Variants in RNF217 observed in about 807,000 individuals in gnomAD.
RNF217 encodes E3 ubiquitin-protein ligase RNF217.
In RNF217, 31 loss-of-function variants were observed where a neutral mutation model predicts 57.8. The observed-to-expected ratio is 0.54, with a 90% CI of 0.40 to 0.72. The LOEUF is 0.72. Among genes scored for constraint, RNF217 ranks in the 30% least tolerant of loss-of-function variants. RNF217 has a pLI of 0.00. For missense variants in RNF217, 696 were observed against 708.3 expected, an observed-to-expected ratio of 0.98 and a Z score of 0.20; for synonymous variants, 313 against 294.0, an observed-to-expected ratio of 1.06 and a Z score of -0.66.
intron 1 of RNF217, among the ~76,000 whole-genome samples, chr6:125,036,303 C>T (rs1786613669): frequency 6.6e-6 from 1 of 152,146 alleles, no homozygotes; most frequent in East Asian, 1.9e-4. Context: ...ATATATGCCA[C>T]ATTTTCTTTA....
rs1788795887 is a variant in RNF217, at chr6:125,087,241, A to G, written c.*4304A>G. On this transcript the variant is annotated 3_prime_UTR_variant, in exon 6 of 6. Transcript: ENST00000521654. ...GTTACATTAGAATTACAAAAAAGTT[A>G]GTGGCCTCTATAACCTTAATTGGCA... 6.6e-6 allele frequency: 1 copy of G among 152,176 alleles called. No individual in the cohort carries two copies. Among genetic ancestry groups the G allele is most frequent in the Admixed American group, 6.6e-5 (1 of 15,260 alleles). The allele number at this position is 152,176 out of a possible 1,614,324, so 9.4% of individuals were successfully genotyped here.
intron 1 of RNF217, among the ~76,000 whole-genome samples, chr6:125,000,442 T>C (rs753398941): frequency 1.6e-4 from 25 of 152,146 alleles, no homozygotes; most frequent in Non-Finnish European, 2.5e-4. Flanking sequence ...GGGGGCATTA[T>C]AGATATCAGA....
intron 1 of RNF217, among the ~76,000 whole-genome samples, chr6:124,991,954 C>A (rs1282019495): frequency 6.6e-6 from 1 of 152,140 alleles, no homozygotes; most frequent in Non-Finnish European, 1.5e-5. Flanking sequence ...TCCCCAAGGT[C>A]ATACAGGTCA....
intron 4 of RNF217, among the ~76,000 whole-genome samples, chr6:125,080,308 A>G (rs1239094306): frequency 6.6e-6 from 1 of 152,140 alleles, no homozygotes; most frequent in African/African-American, 2.4e-5. Context: ...TGGAATGGAG[A>G]TCTTTTTAAA....
intron 1 of RNF217, among the ~76,000 whole-genome samples, chr6:125,030,501 T>A (rs940662061): frequency 6.6e-6 from 1 of 152,184 alleles, no homozygotes; most frequent in African/African-American, 2.4e-5. Context: ...AATACAGTCA[T>A]TCCAAATGGG....
chr6:125,074,221 T>C (rs965895293), intron 3 of RNF217, among the ~76,000 whole-genome samples: 3 of 152,134 alleles, frequency 2.0e-5, no homozygotes, highest in Admixed American at 6.5e-5. Context: ...TGTGTTCCAC[T>C]TAATTATTAC....
chr6:125,045,652 C>T (rs1787069237), intron 2 of RNF217, among the ~76,000 whole-genome samples: 1 of 152,046 alleles, frequency 6.6e-6, no homozygotes, highest in South Asian at 2.1e-4. Flanking sequence ...TTGTCTTTGA[C>T]TTTAACCATG....
At chr6:124,966,869 G>C (rs1218843625) in intron 1 of RNF217, among the ~76,000 whole-genome samples, 1 of 152,168 alleles carries the variant, frequency 6.6e-6, no homozygotes, top group Non-Finnish European at 1.5e-5. Flanking sequence ...ATTAGATGGT[G>C]ACTTAAATAC....
At chr6:125,046,775 C>A in intron 2 of RNF217, 1 of 429,188 alleles carries the variant, frequency 2.3e-6, no homozygotes, top group Non-Finnish European at 4.6e-6. Context: ...CAGTTATAAG[C>A]TACAGTATTG....
intron 1 of RNF217, among the ~76,000 whole-genome samples, chr6:125,023,424 TG>T (rs1785931284): frequency 2.0e-5 from 3 of 152,184 alleles, no homozygotes; most frequent in African/African-American, 7.2e-5. Context: ...ATCAGACTTG[TG>T]TTGTAAAAAG....
intron 1 of RNF217, among the ~76,000 whole-genome samples, chr6:125,020,240 G>A (rs1371263325): frequency 6.6e-6 from 1 of 152,190 alleles, no homozygotes; most frequent in South Asian, 2.1e-4. Context: ...AATACTAAGT[G>A]CTTACTGTAT....
rs750468480 is a variant in RNF217, at chr6:124,962,973, C to T, written c.429C>T (p.Asp143=). ...CCAGGACCCGCGTGGGGGCCGCCGA[C>T]GGACTGGTCCTGGACGTGCTGGGTC... is the stretch of plus-strand genomic sequence containing the variant. ...LEPRTRVGAA[D]GLVLDVLGQR... The change falls in exon 1 of 6, where the codon GAC becomes GAT. Residue 143 remains aspartate, a synonymous_variant. Coordinates refer to ENST00000521654, the MANE Select transcript of RNF217 (RefSeq NM_001286398.3). The surrounding 1 kb of genome is among the most constrained non-coding windows in gnomAD (Gnocchi z 4.6). 3 of 1,597,188 alleles carry T rather than the reference C, an allele frequency of 1.9e-6. No individual in the cohort carries two copies. The highest frequency in any genetic ancestry group is 1.1e-5 in the South Asian group (1 of 90,932).
intron 1 of RNF217, among the ~76,000 whole-genome samples, chr6:125,033,748 A>T (rs1255122172): frequency 2.4e-4 from 36 of 151,998 alleles, no homozygotes; most frequent in Middle Eastern, 3.4e-3. Context: ...TTTCTAGTTC[A>T]AGATCCCTGA....
At chr6:125,052,316 G>GTA (rs1787353234) in intron 2 of RNF217, among the ~76,000 whole-genome samples, 1 of 145,808 alleles carries the variant, frequency 6.9e-6, no homozygotes, top group Non-Finnish European at 1.5e-5. Flanking sequence ...GTGTGTGTGT[G>GTA]TGTGGTTTTA....
chr6:125,010,505 T>C (rs997049000), intron 1 of RNF217, among the ~76,000 whole-genome samples: 1 of 152,224 alleles, frequency 6.6e-6, no homozygotes. Flanking sequence ...TGGATGTCTA[T>C]ACCAATTTCC....
intron 1 of RNF217, among the ~76,000 whole-genome samples, chr6:125,012,818 T>C (rs961980760): frequency 6.6e-6 from 1 of 152,180 alleles, no homozygotes; most frequent in Non-Finnish European, 1.5e-5. Flanking sequence ...CATCTTTGAA[T>C]TTCTTATTTA....
chr6:124,967,127 C>A (rs1290202234), intron 1 of RNF217, among the ~76,000 whole-genome samples: 1 of 152,128 alleles, frequency 6.6e-6, no homozygotes, highest in Non-Finnish European at 1.5e-5. Flanking sequence ...TATTATATTG[C>A]TCGTGTACAT....
chr6:124,980,928 A>G (rs1341815234), intron 1 of RNF217, among the ~76,000 whole-genome samples: 1 of 152,234 alleles, frequency 6.6e-6, no homozygotes, highest in East Asian at 1.9e-4. Flanking sequence ...ATTTGTCTTT[A>G]AAATAGATAT....
intron 1 of RNF217, among the ~76,000 whole-genome samples, chr6:125,000,836 A>G (rs1784951576): frequency 6.6e-6 from 1 of 152,154 alleles, no homozygotes; most frequent in South Asian, 2.1e-4. Flanking sequence ...TTCTTTAAAA[A>G]TAAAATAAGC....
Sources: gnomAD v4.1 joint callset for allele counts (sites outside exome capture counted in the v4.1 genomes callset) on GRCh38, gnomAD v4.1.1 for gene constraint, Gnocchi (gnomAD v3.1) non-coding constraint, MANE v1.5 for transcripts, NCBI Gene and HGNC (gene_info 2026-07-23, HGNC 2026-07-21) for gene names.